The following OXCT1 variants were observed in gnomAD, a reference collection of about 807,000 sequenced individuals.
OXCT1 encodes succinyl-CoA:3-ketoacid coenzyme A transferase 1, mitochondrial.
A neutral mutation model predicts 69.6 loss-of-function variants in OXCT1; 27 were observed. The ratio of observed to expected loss-of-function variants is 0.39; its 90% CI spans 0.29 to 0.54. The LOEUF (loss-of-function observed/expected upper bound fraction) is 0.54, where lower values mean the gene tolerates loss of function less well. OXCT1 is among the 20% of genes least tolerant of loss of function. OXCT1 has a pLI of 0.72. For missense variants in OXCT1, 437 were observed against 650.2 expected, an observed-to-expected ratio of 0.67 and a Z score of 3.57; for synonymous variants, 202 against 217.8, an observed-to-expected ratio of 0.93 and a Z score of 0.64.
chr5:41,779,706 A>G (rs886407256), intron 13 of OXCT1, among the ~76,000 whole-genome samples: 1 of 152,150 alleles, frequency 6.6e-6, no homozygotes, highest in Admixed American at 6.5e-5. Context: ...TTTCATGTAA[A>G]GTTTAGAAAA....
Position 41,870,103 on chromosome 5 carries a change from G to A in OXCT1, c.78+178C>T. ...CAGAACCAAGCAAAGGCGGTCATCC[G>A]AGGGGCCGGCGAGGCCAGGAACGCG... is the stretch of plus-strand genomic sequence containing the variant. On this transcript the variant is annotated intron_variant, in intron 1 of 16. Transcript: ENST00000196371. The surrounding 1 kb of genome is among the most constrained non-coding windows in gnomAD (Gnocchi z 4.2). 1 of 673,002 alleles carries A rather than the reference G, an allele frequency of 1.5e-6. No homozygotes were observed. The highest frequency in any genetic ancestry group is 2.7e-5 in the East Asian group (1 of 36,364). The allele number at this position is 673,002 out of a possible 1,614,324, so 41.7% of individuals were successfully genotyped here. A position where few individuals can be genotyped will look rare whatever the true frequency, so the allele number is the denominator to read the frequency against.
In OXCT1 at chr5:41,731,342, A is replaced by G; in HGVS notation, c.*387T>C. The G allele has an allele frequency of 9.8e-7, 1 of 1,019,866 alleles. No homozygotes were observed. The highest frequency in any genetic ancestry group is 1.2e-6 in the Non-Finnish European group (1 of 849,024). 63.2% of individuals were successfully genotyped at this position (1,019,866 alleles called of 1,614,324 possible). A position where few individuals can be genotyped will look rare whatever the true frequency, so the allele number is the denominator to read the frequency against. On this transcript the variant is annotated 3_prime_UTR_variant, in exon 17 of 17. Transcript: ENST00000196371. ...GACAGCAACTCTCCTAACCACAAAA[A>G]TCACATATGTTATCTTTCTTTCAGG...
At chr5:41,757,340 C>A (rs186309973) in intron 14 of OXCT1, among the ~76,000 whole-genome samples, 1 of 152,190 alleles carries the variant, frequency 6.6e-6, no homozygotes, top group East Asian at 1.9e-4. Context: ...AGATCTCCTG[C>A]AAATACTCCA....
chr5:41,870,292 T>A lies in OXCT1; in HGVS notation c.67A>T (p.Thr23Ser). ...LCASARGSGA[T>S]WYKGCVCSFS... The stretch of plus-strand genomic sequence containing the variant: ...CCCCCGCACTTTACCTTGTACCAGG[T>A]TGCCCCAGATCCGCGGGCAGAGGCG... The change falls in exon 1 of 17, where the codon ACC becomes TCC. Residue 23 changes from threonine (T) to serine (S), a missense_variant. By Grantham distance (58) the Thr-to-Ser change is moderately conservative (BLOSUM62 1). Around this residue, in one of 4 missense-constraint regions of OXCT1, gnomAD observed 79 missense variants for 61.5 expected, o/e 1.28. Coordinates refer to ENST00000196371, the MANE Select transcript of OXCT1 (RefSeq NM_000436.4). The surrounding 1 kb of genome is among the most constrained non-coding windows in gnomAD (Gnocchi z 4.2). The A allele has an allele frequency of 6.2e-7, 1 of 1,613,592 alleles. No individual in the cohort carries two copies. The highest frequency in any genetic ancestry group is 2.2e-5 in the East Asian group (1 of 44,848).
intron 11 of OXCT1, among the ~76,000 whole-genome samples, chr5:41,798,518 T>C (rs1326822705): frequency 6.6e-6 from 1 of 152,052 alleles, no homozygotes; most frequent in African/African-American, 2.4e-5. Context: ...TCCTCAGACA[T>C]TGCCAAATGT....
chr5:41,753,270 T>TAC (rs36095905), intron 14 of OXCT1, among the ~76,000 whole-genome samples: 48,946 of 148,620 alleles, frequency 0.33, 9,160 homozygotes, highest in African/African-American at 0.52. Context: ...GTGGCTGCAA[T>TAC]ACACACACAC....
chr5:41,759,766 AATAG>A (rs569616273), intron 14 of OXCT1, among the ~76,000 whole-genome samples: 155 of 152,242 alleles, frequency 1.0e-3, no homozygotes, highest in Admixed American at 3.7e-3. Context: ...TCGATAAGGA[AATAG>A]ATAGCCCTAC....
At chr5:41,859,864 A>AATATATATATATATATATATAC (rs1749635250) in intron 3 of OXCT1, among the ~76,000 whole-genome samples, 26 of 120,128 alleles carry the variant, frequency 2.2e-4, no homozygotes, top group African/African-American at 7.6e-4. Context: ...CTAGTATAGT[A>AATATATATATATATATATATAC]ATATATATAT....
At chr5:41,810,636 T>C (rs898829976) in intron 7 of OXCT1, among the ~76,000 whole-genome samples, 7 of 152,118 alleles carry the variant, frequency 4.6e-5, no homozygotes, top group Non-Finnish European at 1.0e-4. Flanking sequence ...TTCTCTGCAC[T>C]GCACTCTTCC....
At chr5:41,816,951 T>G (rs1747275385) in intron 7 of OXCT1, among the ~76,000 whole-genome samples, 1 of 152,206 alleles carries the variant, frequency 6.6e-6, no homozygotes, top group Non-Finnish European at 1.5e-5. Flanking sequence ...TAATCATATC[T>G]TCTGAATCTC....
chr5:41,860,069 A>G (rs1185376355), intron 3 of OXCT1, among the ~76,000 whole-genome samples: 2 of 151,836 alleles, frequency 1.3e-5, no homozygotes, highest in African/African-American at 4.8e-5. Flanking sequence ...AGTGCTGATA[A>G]TCAAAAGTAT....
intron 16 of OXCT1, among the ~76,000 whole-genome samples, chr5:41,735,910 C>A (rs1399731225): frequency 6.6e-6 from 1 of 152,208 alleles, no homozygotes; most frequent in Non-Finnish European, 1.5e-5. Context: ...GATGGAAGCT[C>A]AGCAATGAAG....
At chr5:41,827,000 A>G (rs1747838234) in intron 7 of OXCT1, among the ~76,000 whole-genome samples, 1 of 152,090 alleles carries the variant, frequency 6.6e-6, no homozygotes, top group African/African-American at 2.4e-5. Flanking sequence ...GGCATGTTGG[A>G]TAGATTCCTC....
chr5:41,792,103 C>T (rs547816086), intron 13 of OXCT1, among the ~76,000 whole-genome samples: 1 of 152,158 alleles, frequency 6.6e-6, no homozygotes, highest in East Asian at 1.9e-4. Context: ...GCGTCCGGCC[C>T]GCAACTTCTT....
At chr5:41,737,407 A>G (rs1165587991) in intron 16 of OXCT1, among the ~76,000 whole-genome samples, 3 of 152,102 alleles carry the variant, frequency 2.0e-5, no homozygotes, top group Non-Finnish European at 4.4e-5. Context: ...AAAGAACTAG[A>G]TAACCAGGTC....
intron 13 of OXCT1, among the ~76,000 whole-genome samples, chr5:41,771,714 T>C (rs1206632722): frequency 6.6e-6 from 1 of 152,198 alleles, no homozygotes; most frequent in East Asian, 1.9e-4. Context: ...AAAGGTACTC[T>C]AAGTTATTTG....
chr5:41,752,234 T>A (rs1743820223), intron 14 of OXCT1, among the ~76,000 whole-genome samples: 1 of 152,150 alleles, frequency 6.6e-6, no homozygotes, highest in Non-Finnish European at 1.5e-5. Flanking sequence ...TCCCTTAAAT[T>A]CTTTGTGCCA....
chr5:41,814,136 A>G (rs1422610752), intron 7 of OXCT1, among the ~76,000 whole-genome samples: 1 of 152,086 alleles, frequency 6.6e-6, no homozygotes, highest in Non-Finnish European at 1.5e-5. Context: ...TTGGGAAAAA[A>G]AAAACAGGTA....
At chr5:41,771,985 T>G (rs1744891891) in intron 13 of OXCT1, among the ~76,000 whole-genome samples, 1 of 152,212 alleles carries the variant, frequency 6.6e-6, no homozygotes, top group Non-Finnish European at 1.5e-5. Flanking sequence ...CATAATTTTT[T>G]AAAGGTTTAT....
Sources: gnomAD v4.1 joint callset for allele counts (sites outside exome capture counted in the v4.1 genomes callset) on GRCh38, gnomAD v4.1.1 for gene constraint, gnomAD v4.1.1 regional missense constraint, Gnocchi (gnomAD v3.1) non-coding constraint, MANE v1.5 for transcripts, NCBI Gene and HGNC (gene_info 2026-07-23, HGNC 2026-07-21) for gene names.